ZNF565: variants seen among roughly 807,000 people sequenced by gnomAD.
ZNF565 encodes the protein zinc finger protein 565.
Under a neutral mutation model 39.4 loss-of-function variants are expected in ZNF565, and 27 were observed. The ratio of observed to expected loss-of-function variants is 0.69; its 90% CI spans 0.51 to 0.95. The LOEUF is 0.95. Ranked by LOEUF, ZNF565 falls within the 40% of genes least tolerant of loss-of-function variation. The pLI is 0.00. For missense variants in ZNF565, 524 were observed against 621.1 expected, an observed-to-expected ratio of 0.84 and a Z score of 1.66; for synonymous variants, 185 against 216.6, an observed-to-expected ratio of 0.85 and a Z score of 1.28.
rs547230571 is a variant in ZNF565 at position 36,240,183 on chromosome 19, A to G, written c.55+5293T>C. ...CCTGGATGGAAAGTGTTTAAAATAT[A>G]CAACAATTTTAAAAATACAAATGTT... On this transcript the variant is annotated intron_variant, in intron 1 of 4. Transcript: ENST00000355114. 2.6e-5 allele frequency among the ~76,000 whole-genome samples: 4 copies of G among 152,374 alleles called. No individual in the cohort carries two copies. The South Asian group carries it at 8.3e-4, about 32-fold the overall frequency.
At chr19:36,233,857 T>C (rs892523162) in intron 1 of ZNF565, among the ~76,000 whole-genome samples, 20 of 152,302 alleles carry the variant, frequency 1.3e-4, no homozygotes, top group Non-Finnish European at 2.4e-4. Flanking sequence ...CTTCCTCTTA[T>C]CTCAACTGCA....
intron 1 of ZNF565, among the ~76,000 whole-genome samples, chr19:36,220,557 G>A (rs1976792604): frequency 6.6e-6 from 1 of 151,882 alleles, no homozygotes; most frequent in African/African-American, 2.4e-5. Flanking sequence ...GTAGAGATGG[G>A]GTTTCACCGT....
chr19:36,211,789 T>C (rs1976369588), intron 1 of ZNF565, among the ~76,000 whole-genome samples: 1 of 146,098 alleles, frequency 6.8e-6, no homozygotes, highest in Non-Finnish European at 1.5e-5. Flanking sequence ...CAAGACTCTG[T>C]CTCAAAAAAA....
chr19:36,197,703 G>A (rs1310574231), intron 2 of ZNF565, among the ~76,000 whole-genome samples: 1 of 152,142 alleles, frequency 6.6e-6, no homozygotes, highest in Non-Finnish European at 1.5e-5. Flanking sequence ...TGCTAGTGAA[G>A]ACGTGAACAG....
At chr19:36,208,653 G>T (rs1366776071) in intron 1 of ZNF565, among the ~76,000 whole-genome samples, 4 of 152,084 alleles carry the variant, frequency 2.6e-5, no homozygotes, top group Non-Finnish European at 4.4e-5. Flanking sequence ...GCAATTCACA[G>T]ACATTCTTTA....
At chr19:36,229,365 T>C (rs889710882) in intron 1 of ZNF565, among the ~76,000 whole-genome samples, 8 of 152,178 alleles carry the variant, frequency 5.3e-5, no homozygotes, top group Non-Finnish European at 8.8e-5. Flanking sequence ...AATCAGTTTT[T>C]CCCTCTGCTA....
intron 2 of ZNF565, among the ~76,000 whole-genome samples, chr19:36,195,765 C>T (rs1042982501): frequency 4.1e-5 from 6 of 145,704 alleles, no homozygotes; most frequent in African/African-American, 1.5e-4. Context: ...AGGCTGGTCT[C>T]GATCTCCTGA....
At chr19:36,230,117 T>C (rs1977261022) in intron 1 of ZNF565, among the ~76,000 whole-genome samples, 1 of 152,220 alleles carries the variant, frequency 6.6e-6, no homozygotes, top group Admixed American at 6.5e-5. Context: ...TTATATTGCT[T>C]TGCAGAAATA....
chr19:36,244,514 C>CT (rs1468529217), intron 1 of ZNF565, among the ~76,000 whole-genome samples: 1 of 152,040 alleles, frequency 6.6e-6, no homozygotes, highest in Non-Finnish European at 1.5e-5. Context: ...GCACTCCGAC[C>CT]TGGGCAACAG....
intron 1 of ZNF565, chr19:36,236,026 G>C (rs1168972043): frequency 2.9e-5 from 5 of 175,394 alleles, no homozygotes; most frequent in African/African-American, 9.6e-5. Flanking sequence ...ATACTGGAGA[G>C]AAACCCTATG....
chr19:36,218,566 T>A (rs1367753507), upstream of ZNF565, among the ~76,000 whole-genome samples: 3 of 150,292 alleles, frequency 2.0e-5, no homozygotes, highest in African/African-American at 7.4e-5. Flanking sequence ...CCCTGGTTCA[T>A]GCCATTCTCC....
upstream of ZNF565, among the ~76,000 whole-genome samples, chr19:36,217,055 C>CTTTTTTTTTTT (rs752632008): frequency 2.1e-4 from 14 of 65,876 alleles, no homozygotes; most frequent in African/African-American, 4.5e-4. Context: ...CAGTCCCTGT[C>CTTTTTTTTTTT]TTTTTTTTTT....
intron 1 of ZNF565, among the ~76,000 whole-genome samples, chr19:36,243,757 G>A (rs35342321): frequency 0.051 from 7,729 of 151,918 alleles, 246 homozygotes; most frequent in Non-Finnish European, 0.068. Context: ...TGGGGGTGGG[G>A]GTGGCACGAT....
chr19:36,191,223 G>A (rs1167873335), intron 4 of ZNF565, among the ~76,000 whole-genome samples: 2 of 150,892 alleles, frequency 1.3e-5, no homozygotes, highest in Admixed American at 6.6e-5. Context: ...TAGGGCACAG[G>A]GAAGTAAAAG....
chr19:36,189,617 C>T (rs945690170), intron 4 of ZNF565, among the ~76,000 whole-genome samples: 1 of 151,788 alleles, frequency 6.6e-6, no homozygotes, highest in Non-Finnish European at 1.5e-5. Flanking sequence ...CCACTGTACC[C>T]GGCCCCTTAT....
upstream of ZNF565, among the ~76,000 whole-genome samples, chr19:36,217,055 C>CTTTTTTTTTTTTT (rs752632008): frequency 1.5e-5 from 1 of 65,878 alleles, no homozygotes; most frequent in Non-Finnish European, 2.6e-5. Flanking sequence ...CAGTCCCTGT[C>CTTTTTTTTTTTTT]TTTTTTTTTT....
intron 3 of ZNF565, 176 bp from the exon 4 acceptor site, chr19:36,194,504 T>G (rs1386056162): frequency 5.7e-6 from 3 of 524,112 alleles, no homozygotes; most frequent in Non-Finnish European, 1.0e-5. Context: ...CACAAAACAA[T>G]TTTTCAGTCA....
At chr19:36,234,704 A>G (rs899250550) in intron 1 of ZNF565, among the ~76,000 whole-genome samples, 11 of 152,160 alleles carry the variant, frequency 7.2e-5, no homozygotes, top group Non-Finnish European at 8.8e-5. Context: ...GCCAGCCAGC[A>G]TCTTTTGTCT....
intron 1 of ZNF565, among the ~76,000 whole-genome samples, chr19:36,233,254 C>G (rs1302052457): frequency 1.3e-5 from 2 of 152,084 alleles, no homozygotes; most frequent in African/African-American, 2.4e-5. Context: ...TGATGCATGC[C>G]TGTAATCCCA....
Sources: gnomAD v4.1 joint callset for allele counts (sites outside exome capture counted in the v4.1 genomes callset) on GRCh38, gnomAD v4.1.1 for gene constraint, MANE v1.5 for transcripts, NCBI Gene and HGNC (gene_info 2026-07-23, HGNC 2026-07-21) for gene names.